Variants in DYRK1B observed in about 807,000 individuals in gnomAD.
DYRK1B encodes the protein dual specificity tyrosine phosphorylation regulated kinase 1B, also known as dual specificity tyrosine-phosphorylation-regulated kinase 1B.
In DYRK1B, 20 loss-of-function variants were observed where a neutral mutation model predicts 57.1. The ratio of observed to expected loss-of-function variants is 0.35; its 90% CI spans 0.25 to 0.51. The LOEUF is 0.51. Among genes scored for constraint, DYRK1B ranks in the 20% least tolerant of loss-of-function variants. The pLI, the probability that DYRK1B is intolerant of heterozygous loss-of-function variation, is 0.96. For missense variants in DYRK1B, 732 were observed against 886.3 expected (o/e 0.83, Z 2.21); for synonymous variants, 409 against 384.7 (o/e 1.06, Z -0.74).
In DYRK1B at chr19:39,825,677, G is replaced by T; in HGVS notation, c.*38C>A. 1 of 1,527,710 alleles carries T rather than the reference G, an allele frequency of 6.5e-7. No individual in the cohort carries two copies. Among genetic ancestry groups the T allele is most frequent in the South Asian group, 1.2e-5 (1 of 83,314 alleles). 94.6% of individuals were successfully genotyped at this position (1,527,710 alleles called of 1,614,324 possible). ...AGCCCAGGGCCCCCAGATGGGGGAGGGTATGGCTTCAGGAGGGGCCCCAGG... is the reference window on the plus strand; with the variant it reads ...AGCCCAGGGCCCCCAGATGGGGGAGTGTATGGCTTCAGGAGGGGCCCCAGG... On this transcript the variant is annotated 3_prime_UTR_variant, in exon 11 of 11. Transcript: ENST00000323039.
intron 4 of DYRK1B, 110 bp from the exon 5 acceptor site, chr19:39,830,137 G>T: frequency 1.5e-6 from 2 of 1,374,328 alleles, no homozygotes; most frequent in Non-Finnish European, 2.0e-6. Flanking sequence ...TGCATACTTC[G>T]CAGCTGAGTG....
intron 2 of DYRK1B, among the ~76,000 whole-genome samples, chr19:39,831,485 G>A (rs911588114): frequency 3.9e-5 from 6 of 152,138 alleles, no homozygotes; most frequent in African/African-American, 1.4e-4. Flanking sequence ...TGTTTTACAT[G>A]CATACCATTA....
chr19:39,830,660 C>T lies in DYRK1B; in HGVS notation c.183+4G>A, dbSNP rs779866977. On this transcript the variant is annotated splice_donor_region_variant and intron_variant, in intron 3 of 10. Transcript: ENST00000323039. Reference sequence around the variant, plus strand: ...CAGCCCAGGATCCCCCAGCCCCTGCCCACCTCATTGATGTGCTTGTAGGTC... The same window carrying T: ...CAGCCCAGGATCCCCCAGCCCCTGCTCACCTCATTGATGTGCTTGTAGGTC... The T allele has an allele frequency of 5.0e-6, 8 of 1,613,504 alleles. No individual in the cohort carries two copies. Among genetic ancestry groups the T allele is most frequent in the Non-Finnish European group, 6.8e-6 (8 of 1,179,690 alleles).
rs184356389 is a variant in DYRK1B at position 39,826,663 on chromosome 19, G to A, written c.1411+9C>T. The A allele has an allele frequency of 2.5e-5, 40 of 1,592,636 alleles. No homozygotes were observed. The African/African-American group carries it at 4.2e-4, about 17-fold the overall frequency. On this transcript the variant is annotated intron_variant, in intron 9 of 10. Coordinates refer to ENST00000323039, the MANE Select transcript of DYRK1B (RefSeq NM_004714.3). The surrounding 1 kb of genome is among the most constrained non-coding windows in gnomAD (Gnocchi z 6.3). Reference sequence around the variant, plus strand: ...CCGTTGTACCCCATTTGGGCACCTGGGCACCCACCAGAACTGGAGATGGAG... The same window carrying A: ...CCGTTGTACCCCATTTGGGCACCTGAGCACCCACCAGAACTGGAGATGGAG...
intron 5 of DYRK1B, among the ~76,000 whole-genome samples, chr19:39,829,232 GTTTT>G (rs948509779): frequency 2.1e-5 from 3 of 142,660 alleles, no homozygotes; most frequent in South Asian, 2.2e-4. Context: ...TTTGTTTTGG[GTTTT>G]TTTTTTTTTG....
chr19:39,826,408 C>T lies in DYRK1B; in HGVS notation c.1412-122G>A. Reference sequence around the variant, plus strand: ...AGGTTCAGGCTTCAAGAGCAGAGCCCATCTGAAGCACCGGGCCCAATTCTG... The same window carrying T: ...AGGTTCAGGCTTCAAGAGCAGAGCCTATCTGAAGCACCGGGCCCAATTCTG... On this transcript the variant is annotated intron_variant, in intron 9 of 10. Transcript: ENST00000323039. The surrounding 1 kb of genome is among the most constrained non-coding windows in gnomAD (Gnocchi z 6.3). 1 of 886,946 alleles carries T rather than the reference C, an allele frequency of 1.1e-6. No homozygotes were observed. The highest frequency in any genetic ancestry group is 1.7e-6 in the Non-Finnish European group (1 of 605,712). The allele number at this position is 886,946 out of a possible 1,614,324, so 54.9% of individuals were successfully genotyped here. A position where few individuals can be genotyped will look rare whatever the true frequency, so the allele number is the denominator to read the frequency against.
Position 39,830,566 on chromosome 19 carries a change from G to A in DYRK1B, c.184-3C>T. 6.2e-7 allele frequency: 1 copy of A among 1,614,062 alleles called. No individual in the cohort carries two copies. The highest frequency in any genetic ancestry group is 8.5e-7 in the Non-Finnish European group (1 of 1,180,010). On this transcript the variant is annotated splice_region_variant and splice_polypyrimidine_tract_variant and intron_variant, in intron 3 of 10. Coordinates refer to ENST00000323039, the MANE Select transcript of DYRK1B (RefSeq NM_004714.3). The stretch of plus-strand genomic sequence containing the variant: ...CGCTTCTTCTTCGCATAGTATACCT[G>A]CCCAGCCAGCCAGCCAGGAGATGGG...
At chr19:39,832,951 C>A (rs1414208660) in intron 1 of DYRK1B, 1 of 984,722 alleles carries the variant, frequency 1.0e-6, no homozygotes, top group East Asian at 1.1e-4. Flanking sequence ...ACACACACAC[C>A]CTAATATTCC....
chr19:39,829,646 C>T (rs1968713548), intron 5 of DYRK1B: 10 of 448,982 alleles, frequency 2.2e-5, no homozygotes. Context: ...CCAAGTGCTT[C>T]CAAGAGAGCC....
chr19:39,825,851 T>C lies in DYRK1B; in HGVS notation c.1754A>G (p.Gln585Arg), dbSNP rs768962560. 10 of 1,606,006 alleles carry C rather than the reference T, an allele frequency of 6.2e-6. No individual in the cohort carries two copies. Among genetic ancestry groups the C allele is most frequent in the African/African-American group, 4.1e-5 (3 of 73,978 alleles). ...CSPPHPAPAP[Q>R]HPAASALRTR... ...CCGGAGGGCTGAGGCAGCCGGGTGC[T>C]GGGGGGCAGGCGCTGGGTGAGGTGG... is the stretch of plus-strand genomic sequence containing the variant. The change falls in exon 11 of 11, where the codon CAG (glutamine) becomes CGG (arginine). Residue 585 changes from glutamine (Q) to arginine (R), a missense_variant. Around this residue, in one of 2 missense-constraint regions of DYRK1B, gnomAD observed 222 missense variants for 205.0 expected, o/e 1.08. Coordinates refer to ENST00000323039, the MANE Select transcript of DYRK1B (RefSeq NM_004714.3).
intron 4 of DYRK1B, 167 bp downstream of exon 4, chr19:39,830,208 T>C: frequency 8.8e-7 from 1 of 1,137,358 alleles, no homozygotes. Flanking sequence ...CGACCTTATG[T>C]TGAGTCTTGT....
Position 39,826,742 on chromosome 19 carries a change from A to G in DYRK1B, c.1341T>C (p.Ser447=). 1 of 1,595,634 alleles carries G rather than the reference A, an allele frequency of 6.3e-7. No individual in the cohort carries two copies. Among genetic ancestry groups the G allele is most frequent in the Non-Finnish European group, 8.5e-7 (1 of 1,172,744 alleles). ...CGAGGGGCGCGGGCGAGGTGGAGGCACTGCTGCCTGCCGGGCCCGTGTTGG... is the reference window on the plus strand; with the variant it reads ...CGAGGGGCGCGGGCGAGGTGGAGGCGCTGCTGCCTGCCGGGCCCGTGTTGG... ...EATNTGPAGS[S]ASTSPAPLDT... Residue 447 remains serine (S), a synonymous_variant, in exon 9 of 11, where the codon AGT becomes AGC. Transcript: ENST00000323039. This position sits in a 1 kb window ranked among gnomAD's most constrained non-coding sequence, Gnocchi z 6.3.
chr19:39,826,976 G>A lies in DYRK1B; in HGVS notation c.1107C>T (p.Gly369=). Residue 369 remains glycine (G), a synonymous_variant, in exon 9 of 11, where the codon GGC becomes GGT. Transcript: ENST00000323039. This position sits in a 1 kb window ranked among gnomAD's most constrained non-coding sequence, Gnocchi z 6.3. ...RTKELRKDYQ[G]PGTRRLQEVL... is the part of the protein sequence containing the mutation. ...CCTCCTGCAGCCGCCGTGTCCCGGG[G>A]CCCTGGTAATCCTGGCAGGGAGGGG... is the stretch of plus-strand genomic sequence containing the variant. The A allele has an allele frequency of 9.9e-7, 1 of 1,011,924 alleles. No individual in the cohort carries two copies. The highest frequency in any genetic ancestry group is 1.3e-6 in the Non-Finnish European group (1 of 773,072). 62.7% of individuals were successfully genotyped at this position (1,011,924 alleles called of 1,614,324 possible). A position where few individuals can be genotyped will look rare whatever the true frequency, so the allele number is the denominator to read the frequency against.
rs1307147070 is a variant in DYRK1B at position 39,825,585 on chromosome 19, C to A, written c.*130G>T. On this transcript the variant is annotated 3_prime_UTR_variant, in exon 11 of 11. Transcript: ENST00000323039. ...TGACCCCCCTGCCCCAGGCCCCAATCAGTGCAGGCCTCACCCACCCCAGCT... is the reference window on the plus strand; with the variant it reads ...TGACCCCCCTGCCCCAGGCCCCAATAAGTGCAGGCCTCACCCACCCCAGCT... 3.2e-6 allele frequency: 3 copies of A among 950,958 alleles called. No homozygotes were observed. Among genetic ancestry groups the A allele is most frequent in the Admixed American group, 2.6e-5 (1 of 37,848 alleles). 58.9% of individuals were successfully genotyped at this position (950,958 alleles called of 1,614,324 possible).
rs772105194 is a variant in DYRK1B at position 39,828,906 on chromosome 19, C to A, written c.521-323G>T. On this transcript the variant is annotated intron_variant, in intron 5 of 10. Coordinates refer to ENST00000323039, the MANE Select transcript of DYRK1B (RefSeq NM_004714.3). This position sits in a 1 kb window ranked among gnomAD's most constrained non-coding sequence, Gnocchi z 4.3. ...GTATTCATTTTTGTGGCAAAGGACACTGGTTTTCCGTTTACTTTAAGGATA... is the reference window on the plus strand; with the variant it reads ...GTATTCATTTTTGTGGCAAAGGACAATGGTTTTCCGTTTACTTTAAGGATA... Among the ~76,000 whole-genome samples the A allele has an allele frequency of 2.6e-5, 4 of 152,020 alleles. No homozygotes were observed. The highest frequency in any genetic ancestry group is 5.9e-5 in the Non-Finnish European group (4 of 68,034).
intron 5 of DYRK1B, 61 bp downstream of exon 5, chr19:39,829,819 C>T: frequency 6.3e-7 from 1 of 1,586,424 alleles, no homozygotes; most frequent in Non-Finnish European, 8.6e-7. Flanking sequence ...GTGACCCATC[C>T]CTACTGGCTC....
At chr19:39,831,102 G>A (rs1968790446) in intron 2 of DYRK1B, among the ~76,000 whole-genome samples, 1 of 152,126 alleles carries the variant, frequency 6.6e-6, no homozygotes, top group Non-Finnish European at 1.5e-5. Flanking sequence ...CCTGGGCTCT[G>A]TTCCTCCCCA....
intron 2 of DYRK1B, among the ~76,000 whole-genome samples, chr19:39,831,019 T>C (rs1968787713): frequency 6.6e-6 from 1 of 152,236 alleles, no homozygotes; most frequent in Non-Finnish European, 1.5e-5. Context: ...GTGGTGTGAA[T>C]GAGTGAACTC....
chr19:39,825,976 G>A lies in DYRK1B; in HGVS notation c.1629C>T (p.Pro543=), dbSNP rs755020667. Residue 543 remains proline (P), a synonymous_variant, in exon 11 of 11, where the codon CCC becomes CCT. Coordinates refer to ENST00000323039, the MANE Select transcript of DYRK1B (RefSeq NM_004714.3). ...GACGACCAAGGTATCGGGGCTGGGG[G>A]GGTAACTGGGCCCCGGTCCCAGGCA... is the stretch of plus-strand genomic sequence containing the variant. The part of the protein sequence containing the change: ...SSLPGTGAQL[P]PQPRYLGRPP... The A allele has an allele frequency of 1.3e-5, 20 of 1,524,952 alleles. 1 individual carries two copies. The South Asian group carries it at 2.0e-4, about 15-fold the overall frequency. The allele number at this position is 1,524,952 out of a possible 1,614,324, so 94.5% of individuals were successfully genotyped here.
Sources: gnomAD v4.1 joint callset for allele counts (sites outside exome capture counted in the v4.1 genomes callset) on GRCh38, gnomAD v4.1.1 for gene constraint, gnomAD v4.1.1 regional missense constraint, Gnocchi (gnomAD v3.1) non-coding constraint, MANE v1.5 for transcripts, NCBI Gene and HGNC (gene_info 2026-07-23, HGNC 2026-07-21) for gene names.